EDA: variants seen among roughly 807,000 people sequenced by gnomAD.
EDA encodes ectodysplasin-A.
EDA carries 2 observed loss-of-function variants against 23.6 expected under a neutral mutation model. The observed-to-expected ratio is 0.08, with a 90% CI of 0.03 to 0.27. EDA has a LOEUF of 0.27. EDA is among the 10% of genes least tolerant of loss of function. The pLI is 1.00. For synonymous variants in EDA, 131 were observed against 132.0 expected, an observed-to-expected ratio of 0.99 and a Z score of 0.05; for missense variants, 229 against 324.2, an observed-to-expected ratio of 0.71 and a Z score of 2.26.
chrX:69,754,523 G>T (rs971219094), intron 1 of EDA, among the ~76,000 whole-genome samples: 1 of 111,449 alleles, frequency 9.0e-6, no homozygotes, highest in African/African-American at 3.3e-5. Context: ...CAACTTTGGT[G>T]AATCTGACAA....
chrX:69,889,006 ATATATATATATATATT>A (rs2017880795), intron 1 of EDA, among the ~76,000 whole-genome samples: 2 of 70,964 alleles, frequency 2.8e-5, no homozygotes, highest in African/African-American at 1.0e-4. Context: ...ATATATATAT[ATATATATATATATATT>A]ATGTTTTTCC....
At chrX:69,764,460 C>T (rs1417635262) in intron 1 of EDA, among the ~76,000 whole-genome samples, 1 of 107,514 alleles carries the variant, frequency 9.3e-6, no homozygotes, top group African/African-American at 3.4e-5. Flanking sequence ...CCAGGCTGGT[C>T]TTGAACTCCT....
At chrX:69,627,510 G>C (rs1932428694) in intron 1 of EDA, among the ~76,000 whole-genome samples, 1 of 111,528 alleles carries the variant, frequency 9.0e-6, no homozygotes, top group Admixed American at 9.5e-5. Flanking sequence ...GCCACACCCA[G>C]ACATACATCA....
At chrX:69,710,922 A>G (rs2011991327) in intron 1 of EDA, among the ~76,000 whole-genome samples, 1 of 111,736 alleles carries the variant, frequency 8.9e-6, no homozygotes, top group Non-Finnish European at 1.9e-5. Context: ...TAGATATACA[A>G]TCATGTCATC....
chrX:69,935,749 A>G (rs1335966980), intron 1 of EDA, among the ~76,000 whole-genome samples: 1 of 110,213 alleles, frequency 9.1e-6, no homozygotes, highest in Non-Finnish European at 1.9e-5. Flanking sequence ...TACATCCTAC[A>G]CATGCTCTGG....
intron 1 of EDA, among the ~76,000 whole-genome samples, chrX:69,639,577 A>G (rs1197624287): frequency 1.8e-5 from 2 of 111,936 alleles, no homozygotes; most frequent in Non-Finnish European, 3.8e-5. Flanking sequence ...AGAAATGTCC[A>G]TTAAAGTCCT....
intron 1 of EDA, among the ~76,000 whole-genome samples, chrX:69,893,309 A>G (rs1246478905): frequency 9.0e-6 from 1 of 111,646 alleles, no homozygotes; most frequent in East Asian, 2.8e-4. Flanking sequence ...TAACATTGAG[A>G]TCATTAACTA....
At chrX:69,874,318 GAAA>G (rs894164999) in intron 1 of EDA, among the ~76,000 whole-genome samples, 1 of 102,507 alleles carries the variant, frequency 9.8e-6, no homozygotes, top group Admixed American at 1.0e-4. Flanking sequence ...GCCTCAAGAA[GAAA>G]AAAAAAGGAA....
Position 69,658,648 on chromosome X carries a change from G to A in EDA, c.396+41944G>A, listed in dbSNP as rs561973405. On this transcript the variant is annotated intron_variant, in intron 1 of 7. Coordinates refer to ENST00000374552, the MANE Select transcript of EDA (RefSeq NM_001399.5). ...TTCAACAGAGAACTCTGCTTCCTAT[G>A]TTTGCATGGTACTAAAGAGTTTACA... 1.3e-4 allele frequency among the ~76,000 whole-genome samples: 14 copies of A among 111,247 alleles called. No homozygotes were observed. In the South Asian group the frequency reaches 4.2e-3, roughly 33 times the overall value.
At chrX:69,783,373 G>A (rs1469755334) in intron 1 of EDA, among the ~76,000 whole-genome samples, 1 of 109,252 alleles carries the variant, frequency 9.2e-6, no homozygotes, top group African/African-American at 3.3e-5. Flanking sequence ...TGCCATGCTG[G>A]TGCGCTGCAC....
At chrX:69,769,392 A>G (rs2014561666) in intron 1 of EDA, among the ~76,000 whole-genome samples, 1 of 111,105 alleles carries the variant, frequency 9.0e-6, no homozygotes, top group African/African-American at 3.3e-5. Flanking sequence ...CTTTTAACCC[A>G]TTTGTGCCTT....
chrX:69,720,301 T>A lies in EDA; in HGVS notation c.396+103597T>A, dbSNP rs761440249. ...CCTATTAGTAATATGCGTTTATTTCTTTTTATTTTTTAGATTTCAAAATTT... is the reference window on the plus strand; with the variant it reads ...CCTATTAGTAATATGCGTTTATTTCATTTTATTTTTTAGATTTCAAAATTT... On this transcript the variant is annotated intron_variant, in intron 1 of 7. Transcript: ENST00000374552. 4.5e-5 allele frequency among the ~76,000 whole-genome samples: 5 copies of A among 112,244 alleles called. No individual in the cohort carries two copies. In the South Asian group the frequency reaches 1.8e-3, roughly 41 times the overall value.
chrX:69,808,637 G>A (rs1302189545), intron 1 of EDA, among the ~76,000 whole-genome samples: 1 of 111,583 alleles, frequency 9.0e-6, no homozygotes, highest in Non-Finnish European at 1.9e-5. Flanking sequence ...GAAGTTGGAT[G>A]TGGTTAAGAT....
rs573093039 is a variant in EDA at position 69,844,489 on chromosome X, C to T, written c.397-112538C>T. Among the ~76,000 whole-genome samples the T allele has an allele frequency of 2.0e-4, 23 of 112,715 alleles. No homozygotes were observed. In the South Asian group the frequency reaches 8.4e-3, roughly 41 times the overall value. ...GGTTTTCTCTGCCTTGGCAGAACTA[C>T]CCAATACTCTTAGATGATGTGTGTC... On this transcript the variant is annotated intron_variant, in intron 1 of 7. Coordinates refer to ENST00000374552, the MANE Select transcript of EDA (RefSeq NM_001399.5).
intron 1 of EDA, among the ~76,000 whole-genome samples, chrX:69,697,605 C>T (rs775200872): frequency 3.8e-4 from 42 of 111,742 alleles, no homozygotes; most frequent in Non-Finnish European, 7.5e-4. Context: ...TCTGGATTGT[C>T]TGGTGGTTAA....
chrX:69,682,519 C>A (rs112306843), intron 1 of EDA, among the ~76,000 whole-genome samples: 1 of 112,092 alleles, frequency 8.9e-6, no homozygotes, highest in African/African-American at 3.3e-5. Context: ...GATATAATCT[C>A]CTCGTGCGCC....
chrX:69,910,973 G>GA (rs1167706130), intron 1 of EDA, among the ~76,000 whole-genome samples: 1 of 111,498 alleles, frequency 9.0e-6, no homozygotes, highest in Non-Finnish European at 1.9e-5. Context: ...TGTTGAATGT[G>GA]AAAAAACATA....
intron 1 of EDA, among the ~76,000 whole-genome samples, chrX:69,873,777 G>C (rs1292948468): frequency 2.7e-5 from 3 of 111,696 alleles, no homozygotes; most frequent in Non-Finnish European, 3.8e-5. Flanking sequence ...CTAATCCTAT[G>C]GAAACTATTC....
chrX:69,864,014 AT>A (rs1431401173), intron 1 of EDA, among the ~76,000 whole-genome samples: 5 of 111,318 alleles, frequency 4.5e-5, no homozygotes, highest in African/African-American at 1.6e-4. Context: ...TTACATACTA[AT>A]GTTAGAAGTA....
Sources: allele counts gnomAD v4.1 joint callset (sites outside exome capture counted in the v4.1 genomes callset), GRCh38; gene constraint gnomAD v4.1.1; transcripts MANE v1.5; gene names NCBI Gene and HGNC (gene_info 2026-07-23, HGNC 2026-07-21).